COG7: variants seen among roughly 807,000 people sequenced by gnomAD.
COG7 encodes component of oligomeric golgi complex 7, also known as conserved oligomeric Golgi complex subunit 7.
Under a neutral mutation model 91.5 loss-of-function variants are expected in COG7, and 49 were observed. The ratio of observed to expected loss-of-function variants is 0.54; its 90% confidence interval spans 0.43 to 0.68. The LOEUF (loss-of-function observed/expected upper bound fraction) is 0.68, where lower values mean the gene tolerates loss of function less well. COG7 is among the 30% of genes least tolerant of loss of function. The pLI, the probability that COG7 is intolerant of heterozygous loss-of-function variation, is 0.00. For synonymous variants in COG7, 365 were observed against 388.7 expected (o/e 0.94, Z 0.72); for missense variants, 895 against 961.3 (o/e 0.93, Z 0.91).
intron 4 of COG7, chr16:23,442,050 T>C (rs1964109374): frequency 5.6e-6 from 1 of 179,288 alleles, no homozygotes; most frequent in Non-Finnish European, 1.2e-5. Context: ...AAGACACTCC[T>C]GGCCGGGCGC....
intron 12 of COG7, among the ~76,000 whole-genome samples, chr16:23,404,829 A>G (rs760447518): frequency 6.6e-6 from 1 of 152,234 alleles, no homozygotes; most frequent in Non-Finnish European, 1.5e-5. Context: ...CTGAGGCAGA[A>G]GAAACGCTTG....
chr16:23,402,845 G>A (rs1233981189), intron 13 of COG7, among the ~76,000 whole-genome samples: 1 of 152,242 alleles, frequency 6.6e-6, no homozygotes, highest in Non-Finnish European at 1.5e-5. Flanking sequence ...CTCCCAGTGA[G>A]GGGGTGAGGC....
intron 7 of COG7, among the ~76,000 whole-genome samples, chr16:23,423,300 G>A (rs1232083256): frequency 6.6e-6 from 1 of 152,120 alleles, no homozygotes; most frequent in Non-Finnish European, 1.5e-5. Flanking sequence ...CCAGGAGGTG[G>A]AGGTTACAGT....
intron 1 of COG7, among the ~76,000 whole-genome samples, chr16:23,447,908 T>C (rs1456155322): frequency 6.6e-6 from 1 of 151,700 alleles, no homozygotes; most frequent in Non-Finnish European, 1.5e-5. Flanking sequence ...CAAAAATAAA[T>C]AAATAAATAA....
At chr16:23,413,893 G>A (rs868433498) in intron 9 of COG7, 2 of 299,086 alleles carry the variant, frequency 6.7e-6, no homozygotes, top group Middle Eastern at 1.2e-3. Flanking sequence ...GTACATTTCT[G>A]TGAAAGCAGG....
chr16:23,394,512 T>C (rs1374966339), intron 14 of COG7, among the ~76,000 whole-genome samples: 1 of 151,814 alleles, frequency 6.6e-6, no homozygotes, highest in Non-Finnish European at 1.5e-5. Flanking sequence ...CTGTTGTTGT[T>C]TTTTTTTTCT....
At chr16:23,447,209 C>A (rs937921140) in intron 1 of COG7, 3 of 151,784 alleles carry the variant, frequency 2.0e-5, no homozygotes, top group African/African-American at 7.3e-5. Flanking sequence ...ATTAAATTCA[C>A]ACTCTATTTA....
intron 13 of COG7, among the ~76,000 whole-genome samples, chr16:23,402,428 A>C (rs911322718): frequency 6.6e-6 from 1 of 152,142 alleles, no homozygotes; most frequent in Non-Finnish European, 1.5e-5. Context: ...AAAATCAAGT[A>C]AGTCATTCTT....
chr16:23,441,732 T>C (rs1488421076), intron 4 of COG7: 1 of 151,664 alleles, frequency 6.6e-6, no homozygotes, highest in Non-Finnish European at 1.5e-5. Context: ...TTGTCAGTCC[T>C]GTTATAACTA....
At position 23,400,817 on chromosome 16, in the gene COG7, A is replaced by C. The variant is rs570072308; in HGVS notation, c.1804-2688T>G. ...AAACCCCATTTCTACTAAAAATACA[A>C]AAATTAGCCGGGTGTGGTGACGCTT... On this transcript the variant is annotated intron_variant, in intron 13 of 16. Coordinates refer to ENST00000307149, the MANE Select transcript of COG7 (RefSeq NM_153603.4). Among the ~76,000 whole-genome samples the C allele has an allele frequency of 2.2e-4, 33 of 152,180 alleles. No homozygotes were observed. The South Asian group carries it at 6.9e-3, about 32-fold the overall frequency.
rs931386244 is a variant in COG7 at position 23,437,957 on chromosome 16, C to T, written c.605-3239G>A. 5.3e-5 allele frequency among the ~76,000 whole-genome samples: 8 copies of T among 151,902 alleles called. No individual in the cohort carries two copies. The East Asian group carries it at 1.4e-3, about 26-fold the overall frequency. On this transcript the variant is annotated intron_variant, in intron 4 of 16. Coordinates refer to ENST00000307149, the MANE Select transcript of COG7 (RefSeq NM_153603.4). ...AAAATTAGCTGGGTGTGGTGGCACA[C>T]GCCTGTAGTCCCAGCTACTCGGGAA...
chr16:23,447,949 G>A (rs748953908), intron 1 of COG7, among the ~76,000 whole-genome samples: 8 of 151,950 alleles, frequency 5.3e-5, no homozygotes, highest in South Asian at 2.1e-4. Context: ...CCTGCATAAC[G>A]TGGCCCCTGT....
In COG7 at chr16:23,442,598, T is replaced by C; in HGVS notation, c.483A>G (p.Leu161=). The C allele has an allele frequency of 6.2e-7, 1 of 1,614,038 alleles. No individual in the cohort carries two copies. Among genetic ancestry groups the C allele is most frequent in the Non-Finnish European group, 8.5e-7 (1 of 1,179,902 alleles). ...SAKLTGMQNS[L]MMLVDTPDYS... ...AGTCTGGTGTATCAACAAGCATCAT[T>C]AAGCTGTTCTGCATACCTGTTAGCT... Residue 161 remains leucine (L), a synonymous_variant, in exon 4 of 17, where the codon TTA becomes TTG. Coordinates refer to ENST00000307149, the MANE Select transcript of COG7 (RefSeq NM_153603.4).
At chr16:23,429,015 G>T (rs1414772623) in intron 6 of COG7, among the ~76,000 whole-genome samples, 2 of 143,754 alleles carry the variant, frequency 1.4e-5, no homozygotes, top group Non-Finnish European at 3.1e-5. Flanking sequence ...TTTGAGACAG[G>T]GTCTCACTCT....
rs1963312544 is a variant in COG7 at position 23,398,031 on chromosome 16, C to T, written c.1887+15G>A. On this transcript the variant is annotated intron_variant, in intron 14 of 16. Transcript: ENST00000307149. ...AGACTTGGACCACCCTGGAGAAGCA[C>T]ACAGAAGCTCTTACGTTGCTGATGT... 1.2e-6 allele frequency: 2 copies of T among 1,610,964 alleles called. No homozygotes were observed. Among genetic ancestry groups the T allele is most frequent in the Non-Finnish European group, 1.7e-6 (2 of 1,177,128 alleles).
chr16:23,409,066 T>TGC, intron 11 of COG7, among the ~76,000 whole-genome samples: 1 of 125,660 alleles, frequency 8.0e-6, no homozygotes, highest in Non-Finnish European at 1.7e-5. Context: ...TGTGCATGCG[T>TGC]GTGTGTGTGT....
intron 16 of COG7, among the ~76,000 whole-genome samples, chr16:23,391,440 C>A (rs1163186952): frequency 2.6e-5 from 4 of 152,222 alleles, no homozygotes; most frequent in African/African-American, 9.6e-5. Context: ...TGAGAGCTGA[C>A]TATGAAATGA....
rs1490791339 is a variant in COG7, at chr16:23,441,767, TA to T, written c.604+709del. ...ATTCAGGGAAAAGAAACAAGCTACA[TA>T]CAAAAAAAAAATAATAGGAAGAAGC... On this transcript the variant is annotated intron_variant, in intron 4 of 16. Transcript: ENST00000307149. 3.0e-5 allele frequency: 4 copies of T among 134,416 alleles called. No homozygotes were observed. In the East Asian group the frequency reaches 8.8e-4, roughly 30 times the overall value. The allele number at this position is 134,416 out of a possible 1,614,324, so 8.3% of individuals were successfully genotyped here.
intron 4 of COG7, among the ~76,000 whole-genome samples, chr16:23,436,881 T>A (rs1489052842): frequency 6.6e-6 from 1 of 152,214 alleles, no homozygotes; most frequent in East Asian, 1.9e-4. Context: ...AACATTGTTT[T>A]ATCTGCGTTG....
Sources: gnomAD v4.1 joint callset for allele counts (sites outside exome capture counted in the v4.1 genomes callset) on GRCh38, gnomAD v4.1.1 for gene constraint, MANE v1.5 for transcripts, NCBI Gene and HGNC (gene_info 2026-07-23, HGNC 2026-07-21) for gene names.